The following SHISA9 variants were observed in gnomAD, a reference collection of about 807,000 sequenced individuals.
SHISA9 encodes the protein protein shisa-9.
In SHISA9, 13 loss-of-function variants were observed where a neutral mutation model predicts 38.0. That is an observed-to-expected ratio of 0.34 (90% CI 0.22 to 0.54). SHISA9 has a LOEUF of 0.54. Among genes scored for constraint, SHISA9 ranks in the 20% least tolerant of loss-of-function variants. SHISA9 has a pLI of 0.91. For missense variants in SHISA9, 538 were observed against 575.8 expected (o/e 0.93, Z 0.67); for synonymous variants, 275 against 242.0 (o/e 1.14, Z -1.27).
the SHISA9 span, among the ~76,000 whole-genome samples, chr16:13,511,586 TGAAA>T: frequency 1.3e-5 from 2 of 152,116 alleles, no homozygotes; most frequent in East Asian, 1.9e-4. Context: ...CAGTGATCAC[TGAAA>T]GAAAGAAACA....
intron 2 of SHISA9, among the ~76,000 whole-genome samples, chr16:13,116,056 T>C (rs774517053): frequency 1.6e-4 from 24 of 152,204 alleles, no homozygotes; most frequent in Non-Finnish European, 3.4e-4. Context: ...ATTATATCTG[T>C]AGTGTTATCC....
chr16:13,038,778 CAA>C (rs778528103), intron 2 of SHISA9, among the ~76,000 whole-genome samples: 10 of 152,210 alleles, frequency 6.6e-5, no homozygotes, highest in Non-Finnish European at 1.5e-5. Flanking sequence ...TCCACAGAGG[CAA>C]AGACTACATA....
chr16:13,186,288 CTTTTTTTTTTTTT>C (rs113608898), intron 2 of SHISA9, among the ~76,000 whole-genome samples: 3 of 104,270 alleles, frequency 2.9e-5, no homozygotes, highest in East Asian at 3.5e-4. Context: ...CCATCTTAAC[CTTTTTTTTTTTTT>C]TTTTTTTTTT....
At chr16:13,293,907 G>A in the SHISA9 span, among the ~76,000 whole-genome samples, 1 of 152,218 alleles carries the variant, frequency 6.6e-6, no homozygotes, top group South Asian at 2.1e-4. Flanking sequence ...TTCATGAGGG[G>A]CATTGGGTTT....
At chr16:13,528,221 G>C in the SHISA9 span, among the ~76,000 whole-genome samples, 1 of 152,086 alleles carries the variant, frequency 6.6e-6, no homozygotes, top group Non-Finnish European at 1.5e-5. Context: ...GGTTTTATGT[G>C]ATCATAATCC....
intron 2 of SHISA9, among the ~76,000 whole-genome samples, chr16:13,130,109 C>G (rs1055510270): frequency 1.3e-5 from 2 of 152,152 alleles, no homozygotes; most frequent in Non-Finnish European, 2.9e-5. Flanking sequence ...CAATGAAGGT[C>G]TATTGGCACC....
rs1371386187 is a variant in SHISA9, at chr16:13,238,560, A to T, written c.*3151A>T. On this transcript the variant is annotated 3_prime_UTR_variant, in exon 5 of 5. Transcript: ENST00000558583. ...GCTCCTTCTCCTCTGAATAAACTTC[A>T]TCAATTGAACTGGGCTCCTTGGGGT... 1 of 152,120 alleles carries T rather than the reference A, an allele frequency of 6.6e-6. No homozygotes were observed. The highest frequency in any genetic ancestry group is 6.5e-5 in the Admixed American group (1 of 15,268). The allele number at this position is 152,120 out of a possible 1,614,324, so 9.4% of individuals were successfully genotyped here. A position where few individuals can be genotyped will look rare whatever the true frequency, so the allele number is the denominator to read the frequency against.
chr16:13,459,236 A>G, the SHISA9 span, among the ~76,000 whole-genome samples: 1 of 152,196 alleles, frequency 6.6e-6, no homozygotes, highest in African/African-American at 2.4e-5. Flanking sequence ...CCCGTACCTT[A>G]CAAGTCACGT....
At chr16:13,529,164 C>T in the SHISA9 span, among the ~76,000 whole-genome samples, 1 of 152,090 alleles carries the variant, frequency 6.6e-6, no homozygotes, top group Admixed American at 6.5e-5. Flanking sequence ...AAATAGCAAT[C>T]GTAAGACTGA....
intron 2 of SHISA9, among the ~76,000 whole-genome samples, chr16:13,186,010 C>T (rs967319620): frequency 6.6e-6 from 1 of 152,016 alleles, no homozygotes; most frequent in Non-Finnish European, 1.5e-5. Flanking sequence ...CTCATTTTAC[C>T]CTACCTTGAA....
chr16:13,427,437 C>T, the SHISA9 span, among the ~76,000 whole-genome samples: 1,365 of 152,190 alleles, frequency 9.0e-3, 28 homozygotes, highest in African/African-American at 0.031. Flanking sequence ...AAGATTAAAA[C>T]GCAACAGCAT....
chr16:13,317,316 A>T, the SHISA9 span, among the ~76,000 whole-genome samples: 2 of 152,192 alleles, frequency 1.3e-5, no homozygotes, highest in Non-Finnish European at 1.5e-5. Context: ...CGTGTCACAA[A>T]ATGCAAGAGT....
chr16:12,917,602 A>T (rs2071274843), intron 2 of SHISA9, among the ~76,000 whole-genome samples: 1 of 152,218 alleles, frequency 6.6e-6, no homozygotes, highest in Non-Finnish European at 1.5e-5. Context: ...GACCTATGAG[A>T]CTGGAGAAAA....
chr16:13,345,454 T>C, the SHISA9 span, among the ~76,000 whole-genome samples: 2,696 of 152,276 alleles, frequency 0.018, 85 homozygotes, highest in African/African-American at 0.062. Flanking sequence ...TTTTTATTGC[T>C]ACACAGTATT....
At chr16:13,283,891 A>T in the SHISA9 span, among the ~76,000 whole-genome samples, 1 of 151,926 alleles carries the variant, frequency 6.6e-6, no homozygotes, top group African/African-American at 2.4e-5. Flanking sequence ...TCTAAGTTCC[A>T]TTTTCAACCC....
the SHISA9 span, among the ~76,000 whole-genome samples, chr16:13,366,101 A>T: frequency 6.6e-6 from 1 of 152,182 alleles, no homozygotes; most frequent in African/African-American, 2.4e-5. Context: ...GGACCCAGAA[A>T]ATTATGCACC....
the SHISA9 span, among the ~76,000 whole-genome samples, chr16:13,440,013 C>T: frequency 3.3e-5 from 5 of 152,202 alleles, no homozygotes; most frequent in African/African-American, 1.2e-4. Context: ...AGCCGCGCCT[C>T]AAGAGGACGT....
the SHISA9 span, among the ~76,000 whole-genome samples, chr16:13,432,316 A>G: frequency 6.6e-6 from 1 of 152,186 alleles, no homozygotes; most frequent in Non-Finnish European, 1.5e-5. Context: ...TGGGCAGGTG[A>G]CTATTTGCAA....
the SHISA9 span, among the ~76,000 whole-genome samples, chr16:13,324,866 T>G: frequency 5.3e-5 from 8 of 152,226 alleles, no homozygotes; most frequent in African/African-American, 1.9e-4. Context: ...ATACATTAGT[T>G]CAGCCTCAGA....
Sources: allele counts gnomAD v4.1 joint callset (sites outside exome capture counted in the v4.1 genomes callset), GRCh38; gene constraint gnomAD v4.1.1; transcripts MANE v1.5; gene names NCBI Gene and HGNC (gene_info 2026-07-23, HGNC 2026-07-21).